The following CACNA1C variants were observed in gnomAD, a reference collection of about 807,000 sequenced individuals.
The protein encoded by CACNA1C is calcium voltage-gated channel subunit alpha1 C.
In CACNA1C, 30 loss-of-function variants were observed where a neutral mutation model predicts 229.0. The ratio of observed to expected loss-of-function variants is 0.13; its 90% CI spans 0.10 to 0.18. The LOEUF (loss-of-function observed/expected upper bound fraction) is 0.18. Ranked by LOEUF, CACNA1C falls within the 10% of genes least tolerant of loss-of-function variation. CACNA1C has a pLI of 1.00. For synonymous variants in CACNA1C, 1,114 were observed against 1,132.5 expected (o/e 0.98, Z 0.33); for missense variants, 1,658 against 2,845.0 (o/e 0.58, Z 9.49).
At chr12:2,024,787 ACACTGTAGGC>A (rs761680037) in intron 1 of CACNA1C, among the ~76,000 whole-genome samples, 8 of 152,204 alleles carry the variant, frequency 5.3e-5, no homozygotes, top group Non-Finnish European at 1.0e-4. Flanking sequence ...AGATCTCTAT[ACACTGTAGGC>A]CACGAACTTA....
intron 3 of CACNA1C, among the ~76,000 whole-genome samples, chr12:2,299,176 G>A (rs1365285630): frequency 6.6e-6 from 1 of 152,180 alleles, no homozygotes; most frequent in Non-Finnish European, 1.5e-5. Context: ...TGCGCTATGC[G>A]TTAGAATGAA....
chr12:2,488,610 G>T lies in CACNA1C; in HGVS notation c.916+2348G>T. 6.6e-6 allele frequency among the ~76,000 whole-genome samples: 1 copy of T among 152,192 alleles called. No homozygotes were observed. The highest frequency in any genetic ancestry group is 1.9e-4 in the East Asian group (1 of 5,192). ...ACTCATCAGATTGTTTATGTGATGG[G>T]TTTATCTTTGCCTGCAAGTTCAGAA... On this transcript the variant is annotated intron_variant, in intron 6 of 46. Coordinates refer to ENST00000399655, the MANE Select transcript of CACNA1C (RefSeq NM_000719.7). The surrounding 1 kb of genome is among the most constrained non-coding windows in gnomAD (Gnocchi z 4.0).
chr12:2,243,259 C>A (rs760616855), intron 3 of CACNA1C, among the ~76,000 whole-genome samples: 6 of 152,158 alleles, frequency 3.9e-5, no homozygotes, highest in Non-Finnish European at 7.3e-5. Context: ...GTGTGAGTAC[C>A]TGGAAGCAGG....
intron 1 of CACNA1C, among the ~76,000 whole-genome samples, chr12:2,061,739 A>T (rs997912661): frequency 3.0e-4 from 45 of 152,248 alleles, no homozygotes; most frequent in Admixed American, 6.5e-5. Context: ...CATTGAGGGC[A>T]GGAAGAACAC....
At chr12:2,248,273 T>C (rs1343135119) in intron 3 of CACNA1C, among the ~76,000 whole-genome samples, 1 of 152,222 alleles carries the variant, frequency 6.6e-6, no homozygotes, top group Non-Finnish European at 1.5e-5. Context: ...TCTTTCATGC[T>C]CAGCTCCTGA....
intron 3 of CACNA1C, among the ~76,000 whole-genome samples, chr12:2,378,526 C>T (rs1373106556): frequency 6.6e-6 from 1 of 152,194 alleles, no homozygotes; most frequent in African/African-American, 2.4e-5. Flanking sequence ...CAAGCACAGG[C>T]CCATGGGAGC....
intron 46 of CACNA1C, chr12:2,690,146 A>G (rs1253555354): frequency 6.5e-6 from 1 of 152,884 alleles, no homozygotes; most frequent in Non-Finnish European, 1.5e-5. Context: ...TCACCCCTGG[A>G]AAGGCAGCAG....
At chr12:2,190,187 T>G (rs925102334) in intron 3 of CACNA1C, among the ~76,000 whole-genome samples, 3 of 152,234 alleles carry the variant, frequency 2.0e-5, no homozygotes, top group African/African-American at 7.2e-5. Flanking sequence ...ATTGCCTAAT[T>G]AGCAATGTTG....
At chr12:2,037,204 A>G (rs1332058721) in intron 1 of CACNA1C, among the ~76,000 whole-genome samples, 2 of 152,316 alleles carry the variant, frequency 1.3e-5, no homozygotes, top group East Asian at 3.9e-4. Context: ...ACTGGATCAC[A>G]TCATGAGACG....
At chr12:2,046,323 C>A (rs1408626789) in intron 1 of CACNA1C, among the ~76,000 whole-genome samples, 1 of 152,102 alleles carries the variant, frequency 6.6e-6, no homozygotes, top group Non-Finnish European at 1.5e-5. Context: ...CCAGATGAAA[C>A]AAACTTTCTC....
intron 3 of CACNA1C, among the ~76,000 whole-genome samples, chr12:2,423,258 T>C (rs2154556640): frequency 6.6e-6 from 1 of 152,282 alleles, no homozygotes; most frequent in South Asian, 2.1e-4. Flanking sequence ...GACAGAGCAC[T>C]TGCATGTATC....
At chr12:2,217,666 C>A (rs1428224503) in intron 3 of CACNA1C, 1 of 152,152 alleles carries the variant, frequency 6.6e-6, no homozygotes, top group African/African-American at 2.4e-5. Flanking sequence ...ATCCTTATTT[C>A]TTGACAGAGA....
chr12:2,521,769 C>G (rs2099810461), intron 9 of CACNA1C, among the ~76,000 whole-genome samples: 1 of 152,182 alleles, frequency 6.6e-6, no homozygotes, highest in Admixed American at 6.5e-5. Context: ...TCCGCCTGGA[C>G]TCGCAGCCAC....
chr12:2,192,263 T>C (rs1177943006), intron 3 of CACNA1C, among the ~76,000 whole-genome samples: 2 of 152,208 alleles, frequency 1.3e-5, no homozygotes, highest in Admixed American at 6.5e-5. Context: ...GGCTGCTGTG[T>C]CTTCCTATAT....
intron 1 of CACNA1C, among the ~76,000 whole-genome samples, chr12:2,001,073 C>T (rs2042098558): frequency 6.6e-6 from 1 of 151,830 alleles, no homozygotes; most frequent in Admixed American, 6.6e-5. Context: ...TCAGCTTACA[C>T]TACTCAGATC....
chr12:2,154,076 C>T (rs993288408), intron 3 of CACNA1C, among the ~76,000 whole-genome samples: 8 of 152,170 alleles, frequency 5.3e-5, no homozygotes, highest in African/African-American at 1.9e-4. Flanking sequence ...TTCTCTCACT[C>T]GAGTGATTTC....
At chr12:2,296,367 T>C (rs1280663981) in intron 3 of CACNA1C, among the ~76,000 whole-genome samples, 2 of 152,064 alleles carry the variant, frequency 1.3e-5, no homozygotes, top group Admixed American at 1.3e-4. Flanking sequence ...AAAAGACAGG[T>C]CATAGACAAC....
Position 2,356,817 on chromosome 12 carries a change from C to T in CACNA1C, c.478-92159C>T, listed in dbSNP as rs182693644. Among the ~76,000 whole-genome samples the T allele has an allele frequency of 1.7e-3, 253 of 152,378 alleles. 1 individual carries two copies. Among genetic ancestry groups the T allele is most frequent in the Non-Finnish European group, 3.0e-3 (201 of 68,044 alleles). ...TAAGTGCTCTATATGCATTGCTCCC[C>T]TCCCCTCCACCTGCATTCCCATTCC... On this transcript the variant is annotated intron_variant, in intron 3 of 46. Transcript: ENST00000399655.
At chr12:2,103,848 G>C (rs1319277082) in intron 1 of CACNA1C, among the ~76,000 whole-genome samples, 1 of 152,128 alleles carries the variant, frequency 6.6e-6, no homozygotes, top group Non-Finnish European at 1.5e-5. Context: ...TTTCCCCATT[G>C]CTTGTTTTTG....
Sources: gnomAD v4.1 joint callset for allele counts (sites outside exome capture counted in the v4.1 genomes callset) on GRCh38, gnomAD v4.1.1 for gene constraint, Gnocchi (gnomAD v3.1) non-coding constraint, MANE v1.5 for transcripts, NCBI Gene and HGNC (gene_info 2026-07-23, HGNC 2026-07-21) for gene names.